Variants in CEP170B observed in about 807,000 individuals in gnomAD.
CEP170B encodes the protein centrosomal protein 170B.
In CEP170B, 55 loss-of-function variants were observed where a neutral mutation model predicts 120.6. The observed-to-expected ratio is 0.46, with a 90% CI of 0.37 to 0.57. CEP170B has a LOEUF of 0.57. Ranked by LOEUF, CEP170B falls within the 20% of genes least tolerant of loss-of-function variation. The pLI is 0.00. For missense variants in CEP170B, 2,212 were observed against 2,253.3 expected (o/e 0.98, Z 0.37); for synonymous variants, 1,033 against 954.5 (o/e 1.08, Z -1.52).
intron 2 of CEP170B, among the ~76,000 whole-genome samples, chr14:104,873,279 G>A (rs564438913): frequency 4.0e-5 from 6 of 148,184 alleles, no homozygotes; most frequent in East Asian, 2.0e-4. Flanking sequence ...CAAAGGAGCC[G>A]GAAGCTGGTG....
rs753254964 is a variant in CEP170B, at chr14:104,883,736, A to G, written c.1052-95A>G. ...GCCCTGAGGGCTGGGGTGCTTTGTC[A>G]ACTCAGCTAAGGCATGGGGTGATGA... On this transcript the variant is annotated intron_variant, in intron 8 of 18. Transcript: ENST00000414716. 943 of 1,283,508 alleles carry G rather than the reference A, an allele frequency of 7.3e-4. 11 individuals carry two copies. Among genetic ancestry groups the G allele is most frequent in the Admixed American group, 3.5e-4 (13 of 36,684 alleles). The allele number at this position is 1,283,508 out of a possible 1,614,324, so 79.5% of individuals were successfully genotyped here. A position where few individuals can be genotyped will look rare whatever the true frequency, so the allele number is the denominator to read the frequency against.
intron 2 of CEP170B, among the ~76,000 whole-genome samples, chr14:104,875,272 T>C (rs1042045880): frequency 5.9e-5 from 9 of 152,308 alleles, no homozygotes; most frequent in Non-Finnish European, 8.8e-5. Flanking sequence ...TTCAGGCCCA[T>C]TGCTGCCTGT....
rs564814442 is a variant in CEP170B, at chr14:104,883,075, C to T, written c.618C>T (p.His206=). 5.3e-5 allele frequency: 82 copies of T among 1,558,430 alleles called. No individual in the cohort carries two copies. The Middle Eastern group carries it at 1.3e-3, about 25-fold the overall frequency. ...CAGTGCAGCAGGACGGGGAGCTCCA[C>T]GGCTTCCGCGCCCCTGCTGAGCCTC... The part of the protein sequence containing the change: ...KGPVQQDGEL[H]GFRAPAEPQG... The change falls in exon 8 of 19, where the codon CAC becomes CAT. Residue 206 remains histidine, a synonymous_variant. Transcript: ENST00000414716.
chr14:104,885,440 G>A lies in CEP170B; in HGVS notation c.1842G>A (p.Gly614=). ...SSATFRPVIR[G]DRDESDDGGV... ...CCACCTTTCGCCCAGTCATCAGAGG[G>A]GACAGAGATGAGTCTGATGACGGGG... The change falls in exon 10 of 19, where the codon GGG becomes GGA. Residue 614 remains glycine (G), a synonymous_variant. Transcript: ENST00000414716. The A allele has an allele frequency of 1.3e-6, 2 of 1,564,474 alleles. No individual in the cohort carries two copies. Among genetic ancestry groups the A allele is most frequent in the Non-Finnish European group, 8.7e-7 (1 of 1,155,228 alleles).
In CEP170B at chr14:104,887,876, G is replaced by A. The variant is rs1279352449; in HGVS notation, c.3637G>A (p.Glu1213Lys). 7 of 1,568,824 alleles carry A rather than the reference G, an allele frequency of 4.5e-6. No homozygotes were observed. The highest frequency in any genetic ancestry group is 2.7e-5 in the African/African-American group (2 of 74,238). ...CCASRKPTMA[E>K]ARAVSRKAAN... ...TGCCAGCCGCAAGCCCACCATGGCCGAAGCACGGGCTGTCTCCAGGAAGGC... is the reference window on the plus strand; with the variant it reads ...TGCCAGCCGCAAGCCCACCATGGCCAAAGCACGGGCTGTCTCCAGGAAGGC... Residue 1213 changes from glutamate to lysine, a missense_variant, in exon 12 of 19, where the codon GAA (glutamate) becomes AAA (lysine). By Grantham distance (56) the Glu-to-Lys change is moderately conservative (BLOSUM62 1). Coordinates refer to ENST00000414716, the MANE Select transcript of CEP170B (RefSeq NM_001112726.3).
At chr14:104,879,318 T>C (rs943881247) in intron 5 of CEP170B, among the ~76,000 whole-genome samples, 1 of 152,128 alleles carries the variant, frequency 6.6e-6, no homozygotes, top group African/African-American at 2.4e-5. Flanking sequence ...TCTCTGAAGC[T>C]GAGGTGCTTT....
intron 13 of CEP170B, among the ~76,000 whole-genome samples, chr14:104,890,337 GATGA>G (rs1896757087): frequency 7.9e-6 from 1 of 127,182 alleles, no homozygotes; most frequent in Non-Finnish European, 1.7e-5. Flanking sequence ...TGGATGGATG[GATGA>G]GTGTGTGGAT....
At position 104,893,520 on chromosome 14, in the gene CEP170B, C is replaced by A; in HGVS notation, c.4039-3C>A. The stretch of plus-strand genomic sequence containing the variant: ...CCCACGGTGCCGGCCCTCCCTCTTG[C>A]AGCTGGTGCAGCGCATCCCCGAGGC... On this transcript the variant is annotated splice_polypyrimidine_tract_variant and splice_region_variant and intron_variant, in intron 14 of 18. Coordinates refer to ENST00000414716, the MANE Select transcript of CEP170B (RefSeq NM_001112726.3). 6.2e-7 allele frequency: 1 copy of A among 1,601,560 alleles called. No individual in the cohort carries two copies. Among genetic ancestry groups the A allele is most frequent in the Non-Finnish European group, 8.5e-7 (1 of 1,175,750 alleles).
intron 17 of CEP170B, 72 bp downstream of exon 17, chr14:104,894,450 T>G: frequency 6.2e-7 from 1 of 1,606,218 alleles, no homozygotes; most frequent in Non-Finnish European, 8.5e-7. Flanking sequence ...GCCCCAAACC[T>G]TGTCCCAGCT....
At position 104,884,098 on chromosome 14, in the gene CEP170B, C is replaced by G; in HGVS notation, c.1319C>G (p.Pro440Arg). Residue 440 changes from proline to arginine, a missense_variant, in exon 9 of 19, where the codon CCG (proline) becomes CGG (arginine). Coordinates refer to ENST00000414716, the MANE Select transcript of CEP170B (RefSeq NM_001112726.3). Reference protein sequence around the residue: ...PKADKRRGPTPADRDRPSVPA... With the variant: ...PKADKRRGPTRADRDRPSVPA... ...GCCGACAAGCGCCGTGGCCCAACGC[C>G]GGCCGATAGGGACCGCCCCAGTGTC... 1.3e-6 allele frequency: 2 copies of G among 1,585,692 alleles called. No individual in the cohort carries two copies. Among genetic ancestry groups the G allele is most frequent in the Non-Finnish European group, 1.7e-6 (2 of 1,166,410 alleles).
At chr14:104,890,236 A>G (rs572593819) in intron 13 of CEP170B, among the ~76,000 whole-genome samples, 1,447 of 15,652 alleles carry the variant, frequency 0.092, no homozygotes, top group Middle Eastern at 0.23. Flanking sequence ...ATGGATGAAT[A>G]GGAGGGTGGG....
chr14:104,890,190 G>A (rs1439113457), intron 13 of CEP170B, among the ~76,000 whole-genome samples: 2 of 101,198 alleles, frequency 2.0e-5, no homozygotes, highest in Admixed American at 9.9e-5. Context: ...GGATGGATGG[G>A]TGGGTAGGTG....
Position 104,883,897 on chromosome 14 carries a change from C to T in CEP170B, c.1118C>T (p.Ala373Val). Residue 373 changes from alanine to valine, a missense_variant, in exon 9 of 19, where the codon GCT (alanine) becomes GTT (valine). By Grantham distance (64) the Ala-to-Val change is moderately conservative. This residue lies in a region of CEP170B where 2,166 missense variants were observed against 2,166.7 expected (regional missense o/e 1.00). Coordinates refer to ENST00000414716, the MANE Select transcript of CEP170B (RefSeq NM_001112726.3). ...CCCCTGGCCAAGGCGGCCTCGGCCG[C>T]TGGGGTGCCCTTGGAGGCCAGCGGG... ...EDPLAKAASAAGVPLEASGEQ... is the reference protein window; with the variant it reads ...EDPLAKAASAVGVPLEASGEQ... The T allele has an allele frequency of 6.3e-7, 1 of 1,588,626 alleles. No individual in the cohort carries two copies. The highest frequency in any genetic ancestry group is 1.1e-5 in the South Asian group (1 of 87,866).
Position 104,893,679 on chromosome 14 carries a change from C to G in CEP170B, c.4182+13C>G. On this transcript the variant is annotated intron_variant, in intron 15 of 18. Transcript: ENST00000414716. ...GAACCGAGAGGAGGCACGGTGCCCA[C>G]TACCGCCACGGAGCTGGGTGTGGGG... The G allele has an allele frequency of 6.3e-7, 1 of 1,583,096 alleles. No homozygotes were observed. The highest frequency in any genetic ancestry group is 8.6e-7 in the Non-Finnish European group (1 of 1,165,904).
intron 6 of CEP170B, among the ~76,000 whole-genome samples, chr14:104,881,247 A>C (rs1896139685): frequency 6.6e-6 from 1 of 151,286 alleles, no homozygotes; most frequent in African/African-American, 2.4e-5. Flanking sequence ...AGGGAAGGGA[A>C]GGAGCGAGAG....
At chr14:104,874,469 T>C (rs1193246706) in intron 2 of CEP170B, among the ~76,000 whole-genome samples, 1 of 151,930 alleles carries the variant, frequency 6.6e-6, no homozygotes, top group Non-Finnish European at 1.5e-5. Flanking sequence ...AGGGAGGGCA[T>C]GTGGGGCAGG....
Position 104,872,391 on chromosome 14 carries a change from CCGTGGGTGTG to C in CEP170B, c.105+3848_106-3844del, listed in dbSNP as rs1445611278. Among the ~76,000 whole-genome samples, 66 of 64,172 alleles carry C rather than the reference CCGTGGGTGTG, an allele frequency of 1.0e-3. 6 individuals carry two copies. The highest frequency in any genetic ancestry group is 9.7e-4 in the Non-Finnish European group (28 of 28,794). 42.1% of individuals were successfully genotyped at this position (64,172 alleles called of 152,430 possible). A position where few individuals can be genotyped will look rare whatever the true frequency, so the allele number is the denominator to read the frequency against. Reference sequence around the variant, plus strand: ...TGTGTGCCATGGGTGTGCATGTGTGCCGTGGGTGTGCGTGGGTGTGCCGTGGGTGTGCCGT... The same window carrying C: ...TGTGTGCCATGGGTGTGCATGTGTGCCGTGGGTGTGCCGTGGGTGTGCCGT... On this transcript the variant is annotated intron_variant, in intron 2 of 18. Coordinates refer to ENST00000414716, the MANE Select transcript of CEP170B (RefSeq NM_001112726.3).
Position 104,883,350 on chromosome 14 carries a change from C to G in CEP170B, c.893C>G (p.Pro298Arg). Residue 298 changes from proline (P) to arginine (R), a missense_variant, in exon 8 of 19, where the codon CCG (proline) becomes CGG (arginine). Around this residue, in one of 2 missense-constraint regions of CEP170B, gnomAD observed 2,166 missense variants for 2,166.7 expected, o/e 1.00. Transcript: ENST00000414716. Reference sequence around the variant, plus strand: ...TTTTCCCTGCGCCAGCGGCGGCCCCCGGGCAAGGAGGCCACACCTGGCGAG... The same window carrying G: ...TTTTCCCTGCGCCAGCGGCGGCCCCGGGGCAAGGAGGCCACACCTGGCGAG... ...TKFSLRQRRPPGKEATPGEMV... is the reference protein window; with the variant it reads ...TKFSLRQRRPRGKEATPGEMV... 2 of 1,610,864 alleles carry G rather than the reference C, an allele frequency of 1.2e-6. No homozygotes were observed. The highest frequency in any genetic ancestry group is 1.7e-6 in the Non-Finnish European group (2 of 1,179,296).
chr14:104,889,549 G>C (rs761175449), intron 12 of CEP170B, 71 bp from the exon 13 acceptor site: 9 of 1,599,062 alleles, frequency 5.6e-6, no homozygotes, highest in Non-Finnish European at 6.8e-6. Flanking sequence ...CGGATTACAC[G>C]TCCACCTCTG....
Sources: allele counts gnomAD v4.1 joint callset (sites outside exome capture counted in the v4.1 genomes callset), GRCh38; gene constraint gnomAD v4.1.1; regional missense constraint gnomAD v4.1.1; transcripts MANE v1.5; gene names NCBI Gene and HGNC (gene_info 2026-07-23, HGNC 2026-07-21).